RGS3: variants seen among roughly 807,000 people sequenced by gnomAD.
RGS3 encodes the protein regulator of G protein signaling 3.
Under a neutral mutation model 132.6 loss-of-function variants are expected in RGS3, and 80 were observed. The ratio of observed to expected loss-of-function variants is 0.60; its 90% CI spans 0.50 to 0.73. The LOEUF is 0.73. RGS3 is among the 30% of genes least tolerant of loss of function. The probability of loss-of-function intolerance (pLI) is 0.00; values close to 1 mark genes in which losing one functional copy is unlikely to be tolerated. For synonymous variants in RGS3, 598 were observed against 620.6 expected (o/e 0.96, Z 0.54); for missense variants, 1,382 against 1,530.8 (o/e 0.90, Z 1.62).
At chr9:113,501,508 G>C in intron 10 of RGS3, 1 of 1,531,960 alleles carries the variant, frequency 6.5e-7, no homozygotes, top group Non-Finnish European at 8.7e-7. Flanking sequence ...GACGGGTCCA[G>C]TGCGGGCTCC....
chr9:113,553,441 T>A (rs1426816758), intron 19 of RGS3, among the ~76,000 whole-genome samples: 2 of 20,426 alleles, frequency 9.8e-5, no homozygotes, highest in Non-Finnish European at 1.7e-4. Context: ...AAACTCTGTT[T>A]AAAAAAAAAA....
chr9:113,576,156 C>T (rs1267142161), intron 19 of RGS3, among the ~76,000 whole-genome samples: 2 of 151,378 alleles, frequency 1.3e-5, no homozygotes, highest in South Asian at 2.1e-4. Flanking sequence ...GCTGAGATCA[C>T]GCCACTGCAC....
chr9:113,513,312 T>C (rs1327199153), intron 14 of RGS3, among the ~76,000 whole-genome samples: 1 of 152,208 alleles, frequency 6.6e-6, no homozygotes, highest in Non-Finnish European at 1.5e-5. Flanking sequence ...ACACCGCCGT[T>C]GCAGCCTCTG....
At chr9:113,575,146 A>C (rs1459075111) in intron 19 of RGS3, among the ~76,000 whole-genome samples, 2 of 152,182 alleles carry the variant, frequency 1.3e-5, no homozygotes, top group Non-Finnish European at 2.9e-5. Context: ...CTGGGCATCC[A>C]GGCAGGTGGT....
chr9:113,527,347 T>A (rs758550553), intron 17 of RGS3, among the ~76,000 whole-genome samples: 1 of 152,196 alleles, frequency 6.6e-6, no homozygotes, highest in Non-Finnish European at 1.5e-5. Context: ...CTTACATAGA[T>A]CCTTTTGACT....
chr9:113,514,367 C>G, intron 14 of RGS3, 91 bp from the exon 13 acceptor site: 1 of 1,161,272 alleles, frequency 8.6e-7, no homozygotes. Flanking sequence ...TGGTTGTTGA[C>G]GGAATGAGTC....
Position 113,546,183 on chromosome 9 carries a change from C to T in RGS3, c.2037+9265C>T, listed in dbSNP as rs889480068. ...TCCCCTTCTCTAAACTCACTGTGCA[C>T]ATTCACAGTTAGGGTGTTTGATCTG... On this transcript the variant is annotated intron_variant, in intron 19 of 24. Coordinates refer to ENST00000350696, the Ensembl canonical transcript of RGS3. 2.0e-5 allele frequency among the ~76,000 whole-genome samples: 3 copies of T among 152,204 alleles called. 1 individual carries two copies. In the South Asian group the frequency reaches 6.2e-4, roughly 32 times the overall value.
chr9:113,563,977 T>G (rs1201621592), intron 19 of RGS3, among the ~76,000 whole-genome samples: 2 of 152,042 alleles, frequency 1.3e-5, no homozygotes, highest in African/African-American at 4.8e-5. Flanking sequence ...CTGTCCATTT[T>G]TTCTGTGCCA....
At chr9:113,501,299 CGCCGG>C in intron 10 of RGS3, 1 of 805,356 alleles carries the variant, frequency 1.2e-6, no homozygotes. Flanking sequence ...GCCCTCTCCC[CGCCGG>C]GCCCGGGGAA....
Position 113,463,861 on chromosome 9 carries a change from C to T in RGS3, c.415+1660C>T. The T allele has an allele frequency of 6.2e-7, 1 of 1,613,188 alleles. No individual in the cohort carries two copies. The highest frequency in any genetic ancestry group is 1.3e-5 in the African/African-American group (1 of 75,022). On this transcript the variant is annotated intron_variant, in intron 3 of 24. Coordinates refer to ENST00000350696, the Ensembl canonical transcript of RGS3. The surrounding 1 kb of genome is among the most constrained non-coding windows in gnomAD (Gnocchi z 4.6). ...AGCCGGCGTGCCCACCCGGACTTGT[C>T]CTTCTACCTCACCACCTTTGGTAAG... is the stretch of plus-strand genomic sequence containing the variant.
chr9:113,514,551 A>G (rs778660637), exon 15 of RGS3: 1 of 1,614,204 alleles, frequency 6.2e-7, no homozygotes, highest in South Asian at 1.1e-5. Context: ...GGCCACGGGA[A>G]CTACCAAAAC....
At chr9:113,487,959 G>A (rs980861788) in intron 7 of RGS3, among the ~76,000 whole-genome samples, 1 of 152,150 alleles carries the variant, frequency 6.6e-6, no homozygotes, top group African/African-American at 2.4e-5. Context: ...TGTTTGCAGG[G>A]TGAACCTCCT....
At chr9:113,445,832 C>T (rs1829088202) in intron 1 of RGS3, among the ~76,000 whole-genome samples, 1 of 152,124 alleles carries the variant, frequency 6.6e-6, no homozygotes, top group African/African-American at 2.4e-5. Context: ...TCATGTGCCA[C>T]CAAGCCCAGC....
Position 113,507,543 on chromosome 9 carries a change from C to T in RGS3, c.1342C>T (p.Arg448Cys), listed in dbSNP as rs941356524. ...GGAGCGCTACACCGAGGTGGCCAAG[C>T]GCGGGGGCCAGCACACCCTGCCTGC... The change falls in exon 13 of 25, where the codon CGC becomes TGC. Residue 448 changes from arginine to cysteine, a missense_variant. Transcript: ENST00000350696. The surrounding 1 kb of genome is among the most constrained non-coding windows in gnomAD (Gnocchi z 5.0). 7.5e-6 allele frequency: 12 copies of T among 1,595,062 alleles called. No homozygotes were observed. The highest frequency in any genetic ancestry group is 6.8e-5 in the Admixed American group (4 of 58,406).
At chr9:113,508,609 C>T in intron 14 of RGS3, 29 bp downstream of exon 12, 1 of 1,609,772 alleles carries the variant, frequency 6.2e-7, no homozygotes, top group Non-Finnish European at 8.5e-7. Context: ...CTGTGCCCTC[C>T]TAGCTCAGAG....
intron 14 of RGS3, 77 bp downstream of exon 12, chr9:113,508,657 G>A (rs1164624538): frequency 1.2e-5 from 18 of 1,493,200 alleles, no homozygotes; most frequent in Non-Finnish European, 1.6e-5. Context: ...CCCAGCCTCC[G>A]CCCCTGAGTT....
chr9:113,573,688 G>A (rs556406667), intron 19 of RGS3, among the ~76,000 whole-genome samples: 21 of 152,306 alleles, frequency 1.4e-4, no homozygotes, highest in African/African-American at 4.8e-4. Context: ...GGATTTGGGA[G>A]GGTCACTGGG....
At chr9:113,522,796 C>T in intron 16 of RGS3, 134 bp from the exon 15 acceptor site, 2 of 725,336 alleles carry the variant, frequency 2.8e-6, no homozygotes, top group South Asian at 3.1e-5. Context: ...GAGCACTGCT[C>T]CTGGTTTTGT....
At chr9:113,554,324 G>A (rs1412130561) in intron 19 of RGS3, among the ~76,000 whole-genome samples, 1 of 152,120 alleles carries the variant, frequency 6.6e-6, no homozygotes, top group East Asian at 1.9e-4. Context: ...TTTTATTTTT[G>A]GAGATGGAGT....
Sources: gnomAD v4.1 joint callset for allele counts (sites outside exome capture counted in the v4.1 genomes callset) on GRCh38, gnomAD v4.1.1 for gene constraint, Gnocchi (gnomAD v3.1) non-coding constraint, MANE v1.5 for transcripts, NCBI Gene and HGNC (gene_info 2026-07-23, HGNC 2026-07-21) for gene names.